The following NLK variants were observed in gnomAD, a reference collection of about 807,000 sequenced individuals.
The protein encoded by NLK is nemo like kinase.
Under a neutral mutation model 59.0 loss-of-function variants are expected in NLK, and 11 were observed. That is an observed-to-expected ratio of 0.19 (90% CI 0.12 to 0.31). NLK has a LOEUF of 0.31. NLK is among the 10% of genes least tolerant of loss of function. The pLI is 1.00. For synonymous variants in NLK, 235 were observed against 235.9 expected (o/e 1.00, Z 0.03); for missense variants, 410 against 661.1 (o/e 0.62, Z 4.16).
chr17:28,140,595 C>T (rs569449801), intron 3 of NLK, among the ~76,000 whole-genome samples: 1 of 152,306 alleles, frequency 6.6e-6, no homozygotes, highest in Admixed American at 6.5e-5. Context: ...ACTTTACCCT[C>T]AGCAAAGATG....
chr17:28,053,908 A>C (rs569729189), intron 1 of NLK, among the ~76,000 whole-genome samples: 1 of 152,352 alleles, frequency 6.6e-6, no homozygotes, highest in South Asian at 2.1e-4. Context: ...TTACCAGTAC[A>C]AAAGTACCCA....
chr17:28,073,266 C>T (rs1390253287), intron 1 of NLK, among the ~76,000 whole-genome samples: 1 of 152,144 alleles, frequency 6.6e-6, no homozygotes, highest in African/African-American at 2.4e-5. Context: ...ATTTCACTTA[C>T]TAAGGATGCA....
chr17:28,048,441 G>A (rs1460026), intron 1 of NLK: 123,379 of 152,296 alleles, frequency 0.81, 50,058 homozygotes, highest in East Asian at 0.99. Flanking sequence ...AAGCAAGTTA[G>A]AACAATATCC....
chr17:28,120,242 G>GTGTA (rs1047672214), intron 1 of NLK, among the ~76,000 whole-genome samples: 1 of 125,624 alleles, frequency 8.0e-6, no homozygotes, highest in Non-Finnish European at 1.7e-5. Flanking sequence ...TGGGGTGTGT[G>GTGTA]TGTGTGTGTG....
intron 8 of NLK, 137 bp from the exon 9 acceptor site, chr17:28,190,884 A>G (rs1909282177): frequency 1.7e-6 from 1 of 597,134 alleles, no homozygotes; most frequent in Non-Finnish European, 2.9e-6. Context: ...TCTAAATTCA[A>G]TTATCCCTCT....
intron 3 of NLK, among the ~76,000 whole-genome samples, chr17:28,154,782 C>G (rs1030261926): frequency 6.6e-5 from 10 of 152,002 alleles, no homozygotes; most frequent in Non-Finnish European, 1.0e-4. Flanking sequence ...ACCTGTAATC[C>G]CATCACTTTG....
chr17:28,183,021 A>G (rs1266068835), intron 7 of NLK, among the ~76,000 whole-genome samples: 1 of 152,222 alleles, frequency 6.6e-6, no homozygotes, highest in Admixed American at 6.5e-5. Context: ...TAAAAATTCA[A>G]AGTTTTATAG....
At chr17:28,079,869 A>C (rs1365745499) in intron 1 of NLK, among the ~76,000 whole-genome samples, 2 of 152,132 alleles carry the variant, frequency 1.3e-5, no homozygotes, top group African/African-American at 4.8e-5. Flanking sequence ...TTTTGGTATC[A>C]TATCCAAGAA....
chr17:28,065,190 A>G (rs1226605505), intron 1 of NLK, among the ~76,000 whole-genome samples: 1 of 152,198 alleles, frequency 6.6e-6, no homozygotes, highest in African/African-American at 2.4e-5. Flanking sequence ...CTCAGTTTGT[A>G]CAATTCTGAT....
intron 2 of NLK, among the ~76,000 whole-genome samples, chr17:28,129,562 C>A (rs555405322): frequency 6.6e-6 from 1 of 152,160 alleles, no homozygotes; most frequent in East Asian, 1.9e-4. Flanking sequence ...GATTTGTATA[C>A]CTTATGCTAC....
chr17:28,138,959 T>A (rs1287391695), intron 3 of NLK, among the ~76,000 whole-genome samples: 1 of 152,114 alleles, frequency 6.6e-6, no homozygotes, highest in South Asian at 2.1e-4. Context: ...GAAAGTATAC[T>A]GATAGAAAAG....
chr17:28,061,798 TATATAC>T (rs964189110), intron 1 of NLK, among the ~76,000 whole-genome samples: 8 of 146,248 alleles, frequency 5.5e-5, no homozygotes, highest in Non-Finnish European at 9.0e-5. Context: ...AATATATACA[TATATAC>T]ATATACATAT....
At chr17:28,197,124 C>A (rs780147103), downstream of NLK, among the ~76,000 whole-genome samples, 1 of 152,088 alleles carries the variant, frequency 6.6e-6, no homozygotes, top group African/African-American at 2.4e-5. Flanking sequence ...GATAAGGAAA[C>A]CAGTTTTATC....
At chr17:28,148,070 A>G (rs1907330082) in intron 3 of NLK, among the ~76,000 whole-genome samples, 1 of 152,226 alleles carries the variant, frequency 6.6e-6, no homozygotes, top group Non-Finnish European at 1.5e-5. Flanking sequence ...GGCATATTTC[A>G]TTTAGTAGAA....
chr17:28,067,479 T>C (rs9905885), intron 1 of NLK, among the ~76,000 whole-genome samples: 30 of 151,378 alleles, frequency 2.0e-4, no homozygotes, highest in African/African-American at 7.0e-4. Flanking sequence ...ATGCAATTTA[T>C]ATCTCCAGTA....
At chr17:28,176,931 C>A (rs1186178298) in intron 7 of NLK, among the ~76,000 whole-genome samples, 1 of 152,166 alleles carries the variant, frequency 6.6e-6, no homozygotes, top group Non-Finnish European at 1.5e-5. Context: ...CCCCCTAACC[C>A]CCTGCCTACA....
chr17:28,052,459 C>T (rs1051626287), intron 1 of NLK, among the ~76,000 whole-genome samples: 3 of 152,138 alleles, frequency 2.0e-5, no homozygotes, highest in African/African-American at 7.2e-5. Flanking sequence ...AGCTTTGACA[C>T]AGCTTTCAGG....
At chr17:28,177,453 A>C (rs916456412) in intron 7 of NLK, among the ~76,000 whole-genome samples, 4 of 152,236 alleles carry the variant, frequency 2.6e-5, no homozygotes, top group Non-Finnish European at 5.9e-5. Context: ...GGGAACTCTT[A>C]AAGGCTCATA....
intron 3 of NLK, among the ~76,000 whole-genome samples, chr17:28,150,360 TA>T (rs1338692786): frequency 6.6e-6 from 1 of 152,156 alleles, no homozygotes; most frequent in East Asian, 1.9e-4. Flanking sequence ...AGCAGACCTA[TA>T]AAGGCAAGTT....
Sources: gnomAD v4.1 joint callset for allele counts (sites outside exome capture counted in the v4.1 genomes callset) on GRCh38, gnomAD v4.1.1 for gene constraint, MANE v1.5 for transcripts, NCBI Gene and HGNC (gene_info 2026-07-23, HGNC 2026-07-21) for gene names.